Variants in RASA2 observed in about 807,000 individuals in gnomAD.
RASA2 encodes RAS p21 protein activator 2, also known as ras GTPase-activating protein 2.
RASA2 carries 155 observed loss-of-function variants against 118.2 expected under a neutral mutation model. The observed-to-expected ratio is 1.31, with a 90% CI of 1.15 to 1.50. The LOEUF is 1.50. RASA2 is among the 40% of genes most tolerant of loss of function. The pLI is 0.00. For missense variants in RASA2, 1,016 were observed against 1,009.6 expected, an observed-to-expected ratio of 1.01 and a Z score of -0.09; for synonymous variants, 353 against 349.1, an observed-to-expected ratio of 1.01 and a Z score of -0.12.
intron 1 of RASA2, among the ~76,000 whole-genome samples, chr3:141,504,404 G>T (rs1311913231): frequency 6.6e-6 from 1 of 152,110 alleles, no homozygotes; most frequent in East Asian, 1.9e-4. Context: ...TCTTGAATTT[G>T]GTCCCCAACA....
intron 1 of RASA2, among the ~76,000 whole-genome samples, chr3:141,503,942 TAAATG>T (rs1208748496): frequency 6.6e-6 from 1 of 152,140 alleles, no homozygotes; most frequent in Admixed American, 6.5e-5. Context: ...TAAATCAACT[TAAATG>T]AAATGGAAAA....
chr3:141,548,239 A>C, intron 5 of RASA2, among the ~76,000 whole-genome samples: 1 of 152,122 alleles, frequency 6.6e-6, no homozygotes, highest in South Asian at 2.1e-4. Context: ...TTTTTGGACT[A>C]GCTGAGTAGG....
chr3:141,495,794 A>G (rs1479670459), intron 1 of RASA2, among the ~76,000 whole-genome samples: 1 of 152,222 alleles, frequency 6.6e-6, no homozygotes, highest in Non-Finnish European at 1.5e-5. Flanking sequence ...AAAACAGAAT[A>G]ATTGGAGACG....
rs1028102985 is a variant in RASA2 at position 141,594,211 on chromosome 3, G to A, written c.1933+7459G>A. Among the ~76,000 whole-genome samples the A allele has an allele frequency of 1.1e-4, 16 of 152,202 alleles. No homozygotes were observed. In the East Asian group the frequency reaches 1.4e-3, roughly 13 times the overall value. On this transcript the variant is annotated intron_variant, in intron 19 of 23. Transcript: ENST00000286364. ...GATTGGTTCACTGAACTTGAAGATC[G>A]ATCAGTAGAAATGAACCAATCTAGA...
chr3:141,569,743 A>G (rs553259667), intron 9 of RASA2, among the ~76,000 whole-genome samples: 18 of 152,262 alleles, frequency 1.2e-4, no homozygotes, highest in African/African-American at 4.1e-4. Context: ...CCAAGTAGCG[A>G]ACAAAGTACC....
intron 4 of RASA2, among the ~76,000 whole-genome samples, chr3:141,531,935 C>T (rs7340642): frequency 3.3e-5 from 5 of 151,982 alleles, no homozygotes; most frequent in Non-Finnish European, 7.4e-5. Flanking sequence ...TAAATTTGTT[C>T]ACTTCCATAA....
At chr3:141,524,978 G>A (rs976718649) in intron 3 of RASA2, among the ~76,000 whole-genome samples, 8 of 152,170 alleles carry the variant, frequency 5.3e-5, no homozygotes, top group Admixed American at 2.6e-4. Flanking sequence ...TTGGTGAATT[G>A]TATCAGGCTG....
At chr3:141,599,153 A>G (rs2083422515) in intron 19 of RASA2, among the ~76,000 whole-genome samples, 1 of 151,926 alleles carries the variant, frequency 6.6e-6, no homozygotes, top group African/African-American at 2.4e-5. Context: ...GAAACTACAA[A>G]ACACTCCGGA....
intron 4 of RASA2, among the ~76,000 whole-genome samples, chr3:141,537,114 C>T (rs559679834): frequency 6.6e-6 from 1 of 152,196 alleles, no homozygotes; most frequent in Admixed American, 6.5e-5. Flanking sequence ...CCTAGGAGTT[C>T]TTGAATCTGT....
At chr3:141,513,089 C>T (rs984660904) in intron 2 of RASA2, among the ~76,000 whole-genome samples, 1 of 143,002 alleles carries the variant, frequency 7.0e-6, no homozygotes, top group African/African-American at 2.7e-5. Context: ...AACAAAAAAA[C>T]GAAAAACAGG....
chr3:141,505,782 G>T (rs1376180274), intron 1 of RASA2, among the ~76,000 whole-genome samples: 1 of 152,050 alleles, frequency 6.6e-6, no homozygotes, highest in Non-Finnish European at 1.5e-5. Flanking sequence ...GTTTGTGTGT[G>T]TGTGTGTGTG....
rs773436247 is a variant in RASA2, at chr3:141,608,585, C to A, written c.2113C>A (p.Arg705=). The stretch of plus-strand genomic sequence containing the variant: ...GATAGACGTACTCTGCAGGGTGAGC[C>A]GATGCAATCAAAACAGGCTCAGTTT... ...EWIDVLCRVS[R]CNQNRLSFYH... Residue 705 remains arginine, a synonymous_variant, in exon 21 of 24, where the codon CGA becomes AGA. Coordinates refer to ENST00000286364, the MANE Select transcript of RASA2 (RefSeq NM_006506.5). 7 of 1,613,766 alleles carry A rather than the reference C, an allele frequency of 4.3e-6. No individual in the cohort carries two copies. The highest frequency in any genetic ancestry group is 3.3e-4 in the Middle Eastern group (2 of 6,080).
At chr3:141,530,313 A>T (rs2082242735) in intron 4 of RASA2, among the ~76,000 whole-genome samples, 1 of 151,992 alleles carries the variant, frequency 6.6e-6, no homozygotes, top group Non-Finnish European at 1.5e-5. Context: ...AAAGAGTATC[A>T]TTACTCTTTA....
In RASA2 at chr3:141,555,870, G is replaced by T; in HGVS notation, c.642G>T (p.Lys214Asn). The T allele has an allele frequency of 6.2e-7, 1 of 1,612,484 alleles. No individual in the cohort carries two copies. Among genetic ancestry groups the T allele is most frequent in the Admixed American group, 1.7e-5 (1 of 59,880 alleles). The change falls in exon 7 of 24, where the codon AAG becomes AAT. Residue 214 changes from lysine to asparagine, a missense_variant. By Grantham distance (94) the Lys-to-Asn change is moderately conservative (BLOSUM62 0). Around this residue, in one of 2 missense-constraint regions of RASA2, gnomAD observed 896 missense variants for 836.4 expected, o/e 1.07. Coordinates refer to ENST00000286364, the MANE Select transcript of RASA2 (RefSeq NM_006506.5). ...RNDQKKTKVK[K>N]KTSNPQFNEI... ...ACCAAAAGAAGACAAAAGTAAAGAA[G>T]AAAACAAGCAATCCGCAGTTTAATG... is the stretch of plus-strand genomic sequence containing the variant.
At chr3:141,548,156 G>A (rs1039745665) in intron 5 of RASA2, among the ~76,000 whole-genome samples, 24 of 152,182 alleles carry the variant, frequency 1.6e-4, no homozygotes, top group Non-Finnish European at 2.8e-4. Context: ...TTTTTTTGAT[G>A]TATCTCTCTC....
intron 9 of RASA2, among the ~76,000 whole-genome samples, chr3:141,569,488 G>GA (rs2082879024): frequency 6.6e-6 from 1 of 151,918 alleles, no homozygotes; most frequent in African/African-American, 2.4e-5. Context: ...ATATAGTCTA[G>GA]AAAAAAATAG....
intron 4 of RASA2, among the ~76,000 whole-genome samples, chr3:141,533,544 T>G (rs911232987): frequency 1.3e-5 from 2 of 152,212 alleles, no homozygotes; most frequent in Non-Finnish European, 2.9e-5. Flanking sequence ...CCCAGTAGTA[T>G]TAAGATGGGC....
Position 141,608,706 on chromosome 3 carries a change from C to T in RASA2, c.2225+9C>T, listed in dbSNP as rs767936867. On this transcript the variant is annotated intron_variant, in intron 21 of 23. Coordinates refer to ENST00000286364, the MANE Select transcript of RASA2 (RefSeq NM_006506.5). ...TGCAAGCCATGTACTGCGTAAGTTT[C>T]TTTCTGATTATAAAAGCAGTGTGTC... 1.9e-6 allele frequency: 3 copies of T among 1,607,308 alleles called. No individual in the cohort carries two copies. Among genetic ancestry groups the T allele is most frequent in the Non-Finnish European group, 2.6e-6 (3 of 1,174,066 alleles).
intron 2 of RASA2, 94 bp downstream of exon 2, chr3:141,512,374 A>G: frequency 1.2e-6 from 1 of 865,178 alleles, no homozygotes; most frequent in Non-Finnish European, 1.8e-6. Context: ...AAGACAAGAC[A>G]GAAACAGTGC....
Sources: allele counts gnomAD v4.1 joint callset (sites outside exome capture counted in the v4.1 genomes callset), GRCh38; gene constraint gnomAD v4.1.1; regional missense constraint gnomAD v4.1.1; transcripts MANE v1.5; gene names NCBI Gene and HGNC (gene_info 2026-07-23, HGNC 2026-07-21).